Variants in ITPRID1 observed in about 807,000 individuals in gnomAD.
ITPRID1 encodes the protein protein ITPRID1.
Under a neutral mutation model 95.4 loss-of-function variants are expected in ITPRID1, and 96 were observed. The observed-to-expected ratio is 1.01, with a 90% CI of 0.85 to 1.19. The LOEUF (loss-of-function observed/expected upper bound fraction) is 1.19. Ranked by LOEUF, ITPRID1 falls within the 50% of genes most tolerant of loss-of-function variation. The pLI is 0.00. For synonymous variants in ITPRID1, 510 were observed against 453.6 expected, an observed-to-expected ratio of 1.12 and a Z score of -1.58; for missense variants, 1,339 against 1,252.9, an observed-to-expected ratio of 1.07 and a Z score of -1.04.
At chr7:31,543,565 G>A (rs1464883873) in intron 1 of ITPRID1, among the ~76,000 whole-genome samples, 1 of 151,840 alleles carries the variant, frequency 6.6e-6, no homozygotes, top group African/African-American at 2.4e-5. Flanking sequence ...TTTTCCATTT[G>A]TGTATCTTCT....
rs776328729 is a variant in ITPRID1 at position 31,615,523 on chromosome 7, AAAGATGTG to A, written c.1229-26643_1229-26636del. Among the ~76,000 whole-genome samples, 11 of 151,420 alleles carry A rather than the reference AAAGATGTG, an allele frequency of 7.3e-5. 1 individual carries two copies. The highest frequency in any genetic ancestry group is 1.2e-4 in the African/African-American group (5 of 40,922). ...ATTCTCTTATGCTATTTCTGTGGAC[AAAGATGTG>A]AAGATGTGAGTGATTATCAATGTAT... On this transcript the variant is annotated intron_variant, in intron 10 of 14. Coordinates refer to ENST00000615280, the MANE Select transcript of ITPRID1 (RefSeq NM_001257967.3).
intron 5 of ITPRID1, among the ~76,000 whole-genome samples, chr7:31,566,256 T>C (rs971464075): frequency 6.6e-6 from 1 of 152,218 alleles, no homozygotes; most frequent in Non-Finnish European, 1.5e-5. Flanking sequence ...TTCTCATCAA[T>C]ATCTGAAAAC....
intron 1 of ITPRID1, among the ~76,000 whole-genome samples, chr7:31,537,895 G>A (rs1430534574): frequency 2.0e-5 from 3 of 152,020 alleles, no homozygotes; most frequent in African/African-American, 7.2e-5. Flanking sequence ...ATATTTTTCT[G>A]TGACATTTTT....
At chr7:31,515,490 G>T (rs1181415350) in intron 1 of ITPRID1, among the ~76,000 whole-genome samples, 1 of 152,058 alleles carries the variant, frequency 6.6e-6, no homozygotes, top group Non-Finnish European at 1.5e-5. Flanking sequence ...CAGGAGAATC[G>T]CTTGAACCTG....
At chr7:31,523,409 GA>G (rs1783328987) in intron 1 of ITPRID1, among the ~76,000 whole-genome samples, 2 of 152,208 alleles carry the variant, frequency 1.3e-5, no homozygotes, top group Non-Finnish European at 2.9e-5. Flanking sequence ...CTGCCTTGAT[GA>G]TATCCCTAAA....
intron 1 of ITPRID1, chr7:31,529,716 G>A: frequency 2.7e-6 from 4 of 1,462,724 alleles, no homozygotes; most frequent in Non-Finnish European, 3.7e-6. Context: ...AGTCTTAGCT[G>A]CTGGAACATT....
At chr7:31,623,584 A>C (rs1486826190) in intron 10 of ITPRID1, among the ~76,000 whole-genome samples, 6 of 151,090 alleles carry the variant, frequency 4.0e-5, no homozygotes, top group Admixed American at 2.7e-4. Context: ...TCAATAAATT[A>C]GGTATTGATG....
At chr7:31,560,056 G>A (rs1784575392) in intron 5 of ITPRID1, among the ~76,000 whole-genome samples, 2 of 152,182 alleles carry the variant, frequency 1.3e-5, no homozygotes, top group Admixed American at 6.5e-5. Context: ...CTAGGAGGAT[G>A]GATGATCAGG....
intron 1 of ITPRID1, among the ~76,000 whole-genome samples, chr7:31,525,357 G>A (rs1562547336): frequency 6.6e-6 from 1 of 152,094 alleles, no homozygotes; most frequent in Non-Finnish European, 1.5e-5. Context: ...TTTGTGGTAG[G>A]GCTACATCCT....
At chr7:31,644,217 G>T (rs1790272001) in intron 12 of ITPRID1, among the ~76,000 whole-genome samples, 1 of 152,184 alleles carries the variant, frequency 6.6e-6, no homozygotes, top group African/African-American at 2.4e-5. Context: ...AAACTAAGGG[G>T]TAGAGCCATG....
chr7:31,519,614 C>CTATATATA (rs1396946575), intron 1 of ITPRID1, among the ~76,000 whole-genome samples: 12 of 43,178 alleles, frequency 2.8e-4, no homozygotes, highest in African/African-American at 7.0e-4. Flanking sequence ...CTCTCTCTCT[C>CTATATATA]TCTCTCTATA....
chr7:31,609,000 T>C (rs1319219682), intron 10 of ITPRID1, among the ~76,000 whole-genome samples: 2 of 151,766 alleles, frequency 1.3e-5, no homozygotes, highest in Non-Finnish European at 3.0e-5. Context: ...TATTCAGTTC[T>C]CTTCCTAGTT....
intron 10 of ITPRID1, among the ~76,000 whole-genome samples, chr7:31,637,746 T>A (rs1789628298): frequency 6.6e-6 from 1 of 152,214 alleles, no homozygotes; most frequent in Non-Finnish European, 1.5e-5. Context: ...TTTGATTAGA[T>A]CCCATTTGTC....
intron 10 of ITPRID1, among the ~76,000 whole-genome samples, chr7:31,588,847 A>G (rs185429672): frequency 9.2e-4 from 140 of 152,216 alleles, no homozygotes; most frequent in African/African-American, 3.2e-3. Flanking sequence ...TAAGACTAAA[A>G]TAAGTGAACT....
chr7:31,595,460 C>T (rs919010915), intron 10 of ITPRID1, among the ~76,000 whole-genome samples: 2 of 152,100 alleles, frequency 1.3e-5, no homozygotes, highest in Non-Finnish European at 2.9e-5. Context: ...CTTCCAACCC[C>T]AAACAAACAA....
At chr7:31,628,139 G>C (rs1788646698) in intron 10 of ITPRID1, among the ~76,000 whole-genome samples, 1 of 152,192 alleles carries the variant, frequency 6.6e-6, no homozygotes, top group Non-Finnish European at 1.5e-5. Context: ...TCACAATAAA[G>C]GACGGCAGCC....
At chr7:31,530,078 G>T (rs931824792) in intron 1 of ITPRID1, among the ~76,000 whole-genome samples, 6 of 152,146 alleles carry the variant, frequency 3.9e-5, no homozygotes, top group African/African-American at 1.4e-4. Flanking sequence ...CTAGGTGGCT[G>T]CCATTAACAT....
chr7:31,597,290 A>G (rs1004887176), intron 10 of ITPRID1, among the ~76,000 whole-genome samples: 1 of 152,032 alleles, frequency 6.6e-6, no homozygotes, highest in Non-Finnish European at 1.5e-5. Context: ...AAGCAGAAAA[A>G]CAACTCAATA....
At chr7:31,543,224 A>C (rs545742375) in intron 1 of ITPRID1, among the ~76,000 whole-genome samples, 5 of 152,216 alleles carry the variant, frequency 3.3e-5, no homozygotes, top group African/African-American at 9.6e-5. Flanking sequence ...GGGGTTCCAT[A>C]AGGAAAACAG....
Sources: allele counts gnomAD v4.1 joint callset (sites outside exome capture counted in the v4.1 genomes callset), GRCh38; gene constraint gnomAD v4.1.1; transcripts MANE v1.5; gene names NCBI Gene and HGNC (gene_info 2026-07-23, HGNC 2026-07-21).